NEDD4L: variants seen among roughly 807,000 people sequenced by gnomAD.
NEDD4L encodes the protein NEDD4 like E3 ubiquitin protein ligase, also known as E3 ubiquitin-protein ligase NEDD4-like.
Under a neutral mutation model 148.9 loss-of-function variants are expected in NEDD4L, and 54 were observed. The ratio of observed to expected loss-of-function variants is 0.36; its 90% CI spans 0.29 to 0.45. NEDD4L has a LOEUF of 0.45. Among genes scored for constraint, NEDD4L ranks in the 20% least tolerant of loss-of-function variants. NEDD4L has a pLI of 1.00. For missense variants in NEDD4L, 856 were observed against 1,233.8 expected (o/e 0.69, Z 4.59); for synonymous variants, 433 against 440.7 (o/e 0.98, Z 0.22).
chr18:58,300,014 A>G (rs1696711478), intron 5 of NEDD4L, among the ~76,000 whole-genome samples: 1 of 152,214 alleles, frequency 6.6e-6, no homozygotes, highest in Non-Finnish European at 1.5e-5. Context: ...TACTTTGAAA[A>G]GTAAAATCAG....
intron 2 of NEDD4L, among the ~76,000 whole-genome samples, chr18:58,210,943 A>T (rs2042546041): frequency 1.3e-5 from 2 of 152,230 alleles, no homozygotes. Flanking sequence ...TTAGAAACTC[A>T]TCACTATCAT....
intron 1 of NEDD4L, among the ~76,000 whole-genome samples, chr18:58,130,979 G>A (rs1339501142): frequency 2.3e-5 from 3 of 132,442 alleles, no homozygotes; most frequent in Admixed American, 7.9e-5. Flanking sequence ...GTGGTGTTGG[G>A]CTCTGTTGGG....
intron 13 of NEDD4L, chr18:58,340,819 G>C (rs1453053700): frequency 2.1e-6 from 1 of 487,782 alleles, no homozygotes; most frequent in African/African-American, 2.0e-5. Context: ...AGTTCTGTAA[G>C]AATTTGGACT....
intron 5 of NEDD4L, among the ~76,000 whole-genome samples, chr18:58,276,937 T>C (rs1453782846): frequency 2.0e-5 from 3 of 150,918 alleles, no homozygotes; most frequent in Non-Finnish European, 3.0e-5. Context: ...GTGGACCGTG[T>C]CCTGCTGTTG....
chr18:58,330,233 C>CA (rs576948766), intron 10 of NEDD4L, among the ~76,000 whole-genome samples: 78 of 152,342 alleles, frequency 5.1e-4, no homozygotes, highest in African/African-American at 1.8e-3. Context: ...CACATTCACT[C>CA]TAAGTTATTT....
Position 58,044,558 on chromosome 18 carries a change from G to C in NEDD4L, c.-103G>C. 2 of 1,338,188 alleles carry C rather than the reference G, an allele frequency of 1.5e-6. No homozygotes were observed. The highest frequency in any genetic ancestry group is 1.9e-6 in the Non-Finnish European group (2 of 1,037,518). 82.9% of individuals were successfully genotyped at this position (1,338,188 alleles called of 1,614,324 possible). ...ACCCGGCAGGGCGTGCGCAGGGTAG[G>C]GTGCGGGACCGGGGGGACCTGGAGG... On this transcript the variant is annotated 5_prime_UTR_variant, in exon 1 of 31. Transcript: ENST00000400345.
intron 27 of NEDD4L, chr18:58,388,243 A>C (rs566271578): frequency 6.6e-6 from 1 of 152,296 alleles, no homozygotes. Context: ...TGCCCCGTCC[A>C]TAGCCAGTGA....
intron 2 of NEDD4L, among the ~76,000 whole-genome samples, chr18:58,182,216 G>T (rs552957835): frequency 2.0e-5 from 3 of 152,086 alleles, no homozygotes; most frequent in Non-Finnish European, 4.4e-5. Context: ...AGAGTAGGGG[G>T]TGCTGAAAAC....
At chr18:58,099,652 T>C (rs2084636096) in intron 1 of NEDD4L, among the ~76,000 whole-genome samples, 1 of 152,230 alleles carries the variant, frequency 6.6e-6, no homozygotes, top group Non-Finnish European at 1.5e-5. Flanking sequence ...CAGCGGGTGC[T>C]GTCCACATTA....
chr18:58,328,700 G>T (rs963737685), intron 9 of NEDD4L, among the ~76,000 whole-genome samples: 2 of 152,168 alleles, frequency 1.3e-5, no homozygotes, highest in African/African-American at 2.4e-5. Context: ...AGAGGACTTT[G>T]ATTTCTGTTT....
intron 2 of NEDD4L, among the ~76,000 whole-genome samples, chr18:58,176,438 C>G (rs149502936): frequency 6.6e-6 from 1 of 152,190 alleles, no homozygotes; most frequent in Non-Finnish European, 1.5e-5. Flanking sequence ...TGAGCTCAAG[C>G]AGTCCTCCTG....
chr18:58,074,178 A>T (rs1599080963), intron 1 of NEDD4L, among the ~76,000 whole-genome samples: 1 of 152,030 alleles, frequency 6.6e-6, no homozygotes, highest in South Asian at 2.1e-4. Flanking sequence ...GTTTCCATTG[A>T]TGGCAGACCT....
intron 1 of NEDD4L, among the ~76,000 whole-genome samples, chr18:58,072,564 G>T (rs750617954): frequency 3.3e-5 from 5 of 152,246 alleles, no homozygotes; most frequent in Non-Finnish European, 5.9e-5. Flanking sequence ...ACTAGTAATA[G>T]AAGGAAAATT....
intron 19 of NEDD4L, among the ~76,000 whole-genome samples, chr18:58,358,401 T>A (rs1371756002): frequency 6.6e-6 from 1 of 152,220 alleles, no homozygotes; most frequent in African/African-American, 2.4e-5. Flanking sequence ...GTCACAGTTG[T>A]TTATTGGAAT....
intron 5 of NEDD4L, among the ~76,000 whole-genome samples, chr18:58,314,123 A>G (rs918940339): frequency 6.6e-6 from 1 of 152,230 alleles, no homozygotes; most frequent in African/African-American, 2.4e-5. Flanking sequence ...CTTTAAAATT[A>G]TAGCAAAATC....
intron 1 of NEDD4L, chr18:58,149,540 G>A (rs777586270): frequency 1.3e-6 from 2 of 1,550,980 alleles, no homozygotes; most frequent in Non-Finnish European, 1.7e-6. Flanking sequence ...TCCTAAATGA[G>A]ACGTCTCGCA....
At chr18:58,160,865 C>G (rs1362652737) in intron 1 of NEDD4L, among the ~76,000 whole-genome samples, 2 of 152,206 alleles carry the variant, frequency 1.3e-5, no homozygotes, top group African/African-American at 4.8e-5. Context: ...TTTCCTGCAA[C>G]AGGTGCTTGT....
At chr18:58,148,180 T>C (rs2034309844) in intron 1 of NEDD4L, among the ~76,000 whole-genome samples, 1 of 152,060 alleles carries the variant, frequency 6.6e-6, no homozygotes, top group Admixed American at 6.5e-5. Flanking sequence ...TTTTTTTTCT[T>C]TTTGAGATGG....
At chr18:58,180,297 G>A (rs764969016) in intron 2 of NEDD4L, among the ~76,000 whole-genome samples, 11 of 152,122 alleles carry the variant, frequency 7.2e-5, no homozygotes, top group Non-Finnish European at 1.5e-4. Context: ...CAGTGCTGCT[G>A]ATCTGTCTGT....
Sources: gnomAD v4.1 joint callset for allele counts (sites outside exome capture counted in the v4.1 genomes callset) on GRCh38, gnomAD v4.1.1 for gene constraint, MANE v1.5 for transcripts, NCBI Gene and HGNC (gene_info 2026-07-23, HGNC 2026-07-21) for gene names.